Variants in PTGFR observed in about 807,000 individuals in gnomAD.
PTGFR encodes prostaglandin F receptor, also known as prostaglandin F2-alpha receptor.
PTGFR carries 15 observed loss-of-function variants against 26.2 expected under a neutral mutation model. The observed-to-expected ratio is 0.57, with a 90% confidence interval of 0.38 to 0.88. PTGFR has a LOEUF of 0.88. PTGFR is among the 40% of genes least tolerant of loss of function. The pLI is 0.00. For missense variants in PTGFR, 369 were observed against 427.2 expected, an observed-to-expected ratio of 0.86 and a Z score of 1.20; for synonymous variants, 165 against 151.1, an observed-to-expected ratio of 1.09 and a Z score of -0.68.
chr1:78,527,149 G>A (rs1296405892), intron 2 of PTGFR, among the ~76,000 whole-genome samples: 1 of 152,064 alleles, frequency 6.6e-6, no homozygotes, highest in African/African-American at 2.4e-5. Flanking sequence ...TCAGAAATCT[G>A]GAGATTGGTA....
chr1:78,517,102 C>A (rs1290140897), intron 2 of PTGFR, among the ~76,000 whole-genome samples: 1 of 152,114 alleles, frequency 6.6e-6, no homozygotes, highest in African/African-American at 2.4e-5. Flanking sequence ...AGATAGATGT[C>A]CTTAGTAAAA....
chr1:78,501,707 T>C (rs1374327903), intron 2 of PTGFR, among the ~76,000 whole-genome samples: 1 of 152,178 alleles, frequency 6.6e-6, no homozygotes, highest in Non-Finnish European at 1.5e-5. Flanking sequence ...AAGTCAAGTC[T>C]TCCTTTGAGA....
At chr1:78,529,755 C>G (rs1409322751) in intron 2 of PTGFR, among the ~76,000 whole-genome samples, 1 of 152,172 alleles carries the variant, frequency 6.6e-6, no homozygotes, top group African/African-American at 2.4e-5. Flanking sequence ...CCCCAACCCC[C>G]AGGCCCAGGC....
intron 2 of PTGFR, among the ~76,000 whole-genome samples, chr1:78,533,618 G>A (rs1650574073): frequency 6.6e-6 from 1 of 152,146 alleles, no homozygotes; most frequent in Non-Finnish European, 1.5e-5. Context: ...AAAACTACTT[G>A]CTGCTGGATT....
rs1463507449 is a variant in PTGFR, at chr1:78,538,247, G to A, written c.*1560G>A. 1 of 151,984 alleles carries A rather than the reference G, an allele frequency of 6.6e-6. No homozygotes were observed. 9.4% of individuals were successfully genotyped at this position (151,984 alleles called of 1,614,324 possible). On this transcript the variant is annotated 3_prime_UTR_variant, in exon 3 of 3. Coordinates refer to ENST00000370757, the MANE Select transcript of PTGFR (RefSeq NM_000959.4). ...TTCTATGAATATTTCCATGTATTTT[G>A]ACTGGGGAGAGGCATGGAGAAGAAA...
chr1:78,532,944 G>A (rs1479780184), intron 2 of PTGFR, among the ~76,000 whole-genome samples: 1 of 152,084 alleles, frequency 6.6e-6, no homozygotes, highest in African/African-American at 2.4e-5. Context: ...AATCCACAAG[G>A]AAATATATAA....
chr1:78,498,430 T>G (rs754061383), intron 2 of PTGFR, among the ~76,000 whole-genome samples: 11 of 152,210 alleles, frequency 7.2e-5, no homozygotes, highest in Non-Finnish European at 1.0e-4. Flanking sequence ...ATATTGTTTA[T>G]GTATTTAGGT....
At chr1:78,522,500 A>T (rs1414159593) in intron 2 of PTGFR, among the ~76,000 whole-genome samples, 1 of 151,998 alleles carries the variant, frequency 6.6e-6, no homozygotes, top group Non-Finnish European at 1.5e-5. Context: ...GTACTGTTAT[A>T]TTTTTGTTCA....
chr1:78,517,803 T>C (rs1300076250), intron 2 of PTGFR, among the ~76,000 whole-genome samples: 1 of 152,194 alleles, frequency 6.6e-6, no homozygotes, highest in Non-Finnish European at 1.5e-5. Flanking sequence ...ATCTAATGCA[T>C]GATTTAAAAA....
chr1:78,535,555 G>T (rs1650624608), intron 2 of PTGFR, among the ~76,000 whole-genome samples: 1 of 151,992 alleles, frequency 6.6e-6, no homozygotes, highest in Non-Finnish European at 1.5e-5. Context: ...TTTACCTTTT[G>T]TTTACCTATT....
rs899 is a variant in PTGFR, at chr1:78,537,670, A to T, written c.*983A>T. The T allele has an allele frequency of 1.3e-5, 2 of 152,068 alleles. No individual in the cohort carries two copies. The highest frequency in any genetic ancestry group is 2.9e-5 in the Non-Finnish European group (2 of 67,988). The allele number at this position is 152,068 out of a possible 1,614,324, so 9.4% of individuals were successfully genotyped here. ...GCTAGTGTGTTTCTTCTTTACACACATATACACACAGACATCAGAAAATTC... is the reference window on the plus strand; with the variant it reads ...GCTAGTGTGTTTCTTCTTTACACACTTATACACACAGACATCAGAAAATTC... On this transcript the variant is annotated 3_prime_UTR_variant, in exon 3 of 3. Coordinates refer to ENST00000370757, the MANE Select transcript of PTGFR (RefSeq NM_000959.4).
At position 78,510,142 on chromosome 1, in the gene PTGFR, T is replaced by G. The variant is rs371883535; in HGVS notation, c.798+16601T>G. On this transcript the variant is annotated intron_variant, in intron 2 of 2. Coordinates refer to ENST00000370757, the MANE Select transcript of PTGFR (RefSeq NM_000959.4). ...ATTCAGGTACTAACCTAGTAAGTCC[T>G]GAGGGACTTCTCTGCTATCCCTCTC... Among the ~76,000 whole-genome samples, 5 of 152,304 alleles carry G rather than the reference T, an allele frequency of 3.3e-5. No individual in the cohort carries two copies. The East Asian group carries it at 9.6e-4, about 29-fold the overall frequency.
Position 78,493,251 on chromosome 1 carries a change from C to T in PTGFR, c.508C>T (p.Pro170Ser). 2 of 1,614,094 alleles carry T rather than the reference C, an allele frequency of 1.2e-6. No individual in the cohort carries two copies. Among genetic ancestry groups the T allele is most frequent in the Non-Finnish European group, 1.7e-6 (2 of 1,179,984 alleles). Residue 170 changes from proline (P) to serine (S), a missense_variant, in exon 2 of 3, where the codon CCC (proline) becomes TCC (serine). Physicochemically the swap from Pro to Ser is moderately conservative, Grantham distance 74 (BLOSUM62 -1). Transcript: ENST00000370757. ...CLFAVFIALL[P>S]ILGHRDYKIQ... ...GTTTGCTGTTTTCATAGCTTTGCTG[C>T]CCATCCTTGGACATCGAGACTATAA...
chr1:78,501,296 T>C (rs1344191195), intron 2 of PTGFR, among the ~76,000 whole-genome samples: 1 of 152,238 alleles, frequency 6.6e-6, no homozygotes, highest in East Asian at 1.9e-4. Flanking sequence ...AGTATATAAA[T>C]TGTATTCCAT....
intron 2 of PTGFR, among the ~76,000 whole-genome samples, chr1:78,508,616 TC>T: frequency 6.6e-6 from 1 of 152,298 alleles, no homozygotes; most frequent in Non-Finnish European, 1.5e-5. Context: ...CTATCTCTGA[TC>T]CACTCTCAAC....
rs748250619 is a variant in PTGFR, at chr1:78,536,698, C to A, written c.*11C>A. 4.0e-5 allele frequency: 65 copies of A among 1,605,224 alleles called. 1 individual carries two copies. Among genetic ancestry groups the A allele is most frequent in the Non-Finnish European group, 4.3e-5 (50 of 1,176,160 alleles). ...TCAGCAAGCACCTAGCTTAATAGGA[C>A]AGTAAATCTGTGTGGGGCTAGAACA... is the stretch of plus-strand genomic sequence containing the variant. On this transcript the variant is annotated 3_prime_UTR_variant, in exon 3 of 3. Transcript: ENST00000370757.
At chr1:78,528,506 A>G in intron 2 of PTGFR, among the ~76,000 whole-genome samples, 1 of 152,058 alleles carries the variant, frequency 6.6e-6, no homozygotes, top group Non-Finnish European at 1.5e-5. Flanking sequence ...TTAGGGTTAA[A>G]TAGACATTTA....
In PTGFR at chr1:78,493,067, C is replaced by T. The variant is rs988329081; in HGVS notation, c.324C>T (p.Cys108=). 3.7e-6 allele frequency: 6 copies of T among 1,614,116 alleles called. No homozygotes were observed. In the African/African-American group the frequency reaches 5.3e-5, roughly 14 times the overall value. The change falls in exon 2 of 3, where the codon TGC becomes TGT. Residue 108 remains cysteine, a synonymous_variant. Coordinates refer to ENST00000370757, the MANE Select transcript of PTGFR (RefSeq NM_000959.4). ...GCTTTGACCAATCAAATGTCCTTTGCAGTATTTTTGGTATCTGCATGGTGT... is the reference window on the plus strand; with the variant it reads ...GCTTTGACCAATCAAATGTCCTTTGTAGTATTTTTGGTATCTGCATGGTGT... ...WIRFDQSNVL[C]SIFGICMVFS...
At position 78,537,754 on chromosome 1, in the gene PTGFR, G is replaced by A. The variant is rs1389824849; in HGVS notation, c.*1067G>A. 1 of 152,250 alleles carries A rather than the reference G, an allele frequency of 6.6e-6. No individual in the cohort carries two copies. Among genetic ancestry groups the A allele is most frequent in the East Asian group, 1.9e-4 (1 of 5,170 alleles). 9.4% of individuals were successfully genotyped at this position (152,250 alleles called of 1,614,324 possible). On this transcript the variant is annotated 3_prime_UTR_variant, in exon 3 of 3. Transcript: ENST00000370757. ...GCATATTCTAAAGCCTGTGCTACCA[G>A]TACTAAGAGGGGAAGACTGGCAATT...
Sources: gnomAD v4.1 joint callset for allele counts (sites outside exome capture counted in the v4.1 genomes callset) on GRCh38, gnomAD v4.1.1 for gene constraint, MANE v1.5 for transcripts, NCBI Gene and HGNC (gene_info 2026-07-23, HGNC 2026-07-21) for gene names.